The following SNW1 variants were observed in gnomAD, a reference collection of about 807,000 sequenced individuals.
The protein encoded by SNW1 is SNW domain-containing protein 1.
A neutral mutation model predicts 75.6 loss-of-function variants in SNW1; 9 were observed. The ratio of observed to expected loss-of-function variants is 0.12; its 90% CI spans 0.07 to 0.21. SNW1 has a LOEUF of 0.21. SNW1 is among the 10% of genes least tolerant of loss of function. The pLI, the probability that SNW1 is intolerant of heterozygous loss-of-function variation, is 1.00. For synonymous variants in SNW1, 200 were observed against 219.1 expected, an observed-to-expected ratio of 0.91 and a Z score of 0.77; for missense variants, 409 against 670.9, an observed-to-expected ratio of 0.61 and a Z score of 4.31.
At chr14:77,718,620 T>C (rs1262099192) in intron 12 of SNW1, 90 bp from the exon 13 acceptor site, 6 of 792,974 alleles carry the variant, frequency 7.6e-6, no homozygotes, top group Non-Finnish European at 1.2e-5. Flanking sequence ...CCCTTGCTAA[T>C]GTACAGCTCA....
intron 3 of SNW1, 37 bp from the exon 4 acceptor site, chr14:77,739,098 A>T: frequency 6.6e-7 from 1 of 1,504,364 alleles, no homozygotes; most frequent in Non-Finnish European, 9.2e-7. Flanking sequence ...TAAGAAAAGC[A>T]AACAACGAAA....
intron 10 of SNW1, among the ~76,000 whole-genome samples, chr14:77,724,825 C>T (rs920784235): frequency 6.6e-6 from 1 of 152,134 alleles, no homozygotes; most frequent in African/African-American, 2.4e-5. Flanking sequence ...GCAGATATCC[C>T]TTTTTGATTT....
rs528318481 is a variant in SNW1, at chr14:77,732,716, G to C, written c.775-115C>G. ...GTCTTGCTCTGTCACCCTGGCTGGA[G>C]GGCAGGGGTGCCATCTCGGCTCACT... On this transcript the variant is annotated intron_variant, in intron 8 of 13. Coordinates refer to ENST00000261531, the MANE Select transcript of SNW1 (RefSeq NM_012245.3). 8.2e-5 allele frequency: 54 copies of C among 657,060 alleles called. No individual in the cohort carries two copies. In the African/African-American group the frequency reaches 8.8e-4, roughly 11 times the overall value. 40.7% of individuals were successfully genotyped at this position (657,060 alleles called of 1,614,324 possible).
intron 3 of SNW1, among the ~76,000 whole-genome samples, chr14:77,742,245 A>G (rs893115705): frequency 6.6e-6 from 1 of 152,082 alleles, no homozygotes; most frequent in African/African-American, 2.4e-5. Context: ...CATGTTGGCC[A>G]GGCTGGTCTC....
At chr14:77,721,938 G>T (rs2080544500) in intron 11 of SNW1, among the ~76,000 whole-genome samples, 1 of 152,038 alleles carries the variant, frequency 6.6e-6, no homozygotes, top group African/African-American at 2.4e-5. Context: ...AGTAGAGATG[G>T]GGTTTCACCA....
At chr14:77,747,226 T>C (rs934597115) in intron 3 of SNW1, among the ~76,000 whole-genome samples, 8 of 152,154 alleles carry the variant, frequency 5.3e-5, no homozygotes, top group African/African-American at 1.7e-4. Context: ...GTGCTCAATG[T>C]TGCCCAGGCT....
At chr14:77,731,287 C>T (rs992122335) in intron 9 of SNW1, among the ~76,000 whole-genome samples, 158 bp from the exon 10 acceptor site, 4 of 152,220 alleles carry the variant, frequency 2.6e-5, no homozygotes, top group African/African-American at 7.2e-5. Context: ...TAAAAGATAT[C>T]CTGCCTGGAA....
intron 9 of SNW1, among the ~76,000 whole-genome samples, chr14:77,731,547 A>G (rs2080627054): frequency 6.6e-6 from 1 of 152,264 alleles, no homozygotes; most frequent in Non-Finnish European, 1.5e-5. Context: ...TCTCAAAAAA[A>G]TAACATTTTC....
intron 10 of SNW1, among the ~76,000 whole-genome samples, chr14:77,724,791 G>A (rs1296041208): frequency 1.3e-5 from 2 of 152,108 alleles, no homozygotes; most frequent in East Asian, 1.9e-4. Context: ...TAACTGTAAA[G>A]AGCACTGCAA....
intron 3 of SNW1, among the ~76,000 whole-genome samples, chr14:77,744,135 C>CAAAAAAAAAA (rs11335114): frequency 8.2e-6 from 1 of 121,746 alleles, no homozygotes; most frequent in African/African-American, 3.1e-5. Flanking sequence ...GACTCCATCT[C>CAAAAAAAAAA]AAAAAAAAAA....
chr14:77,742,403 G>A (rs1308575355), intron 3 of SNW1, among the ~76,000 whole-genome samples: 1 of 152,082 alleles, frequency 6.6e-6, no homozygotes, highest in East Asian at 1.9e-4. Context: ...GAGGCAAATG[G>A]GCTGGGGAGC....
intron 10 of SNW1, among the ~76,000 whole-genome samples, chr14:77,728,376 A>G (rs1283064162): frequency 6.6e-6 from 1 of 152,174 alleles, no homozygotes; most frequent in East Asian, 1.9e-4. Context: ...GCTTGAACCC[A>G]GGAGGCGGAG....
At chr14:77,732,019 A>G (rs2080631352) in intron 9 of SNW1, among the ~76,000 whole-genome samples, 2 of 152,196 alleles carry the variant, frequency 1.3e-5, no homozygotes, top group Non-Finnish European at 2.9e-5. Context: ...TATACACATG[A>G]GCCATTGTGC....
At chr14:77,728,679 C>T (rs552204758) in intron 10 of SNW1, among the ~76,000 whole-genome samples, 42 of 152,276 alleles carry the variant, frequency 2.8e-4, no homozygotes, top group Middle Eastern at 3.4e-3. Flanking sequence ...TTGGAGCAAG[C>T]CTGTCTGGAT....
chr14:77,726,868 A>G (rs1292440887), intron 10 of SNW1, among the ~76,000 whole-genome samples: 2 of 151,906 alleles, frequency 1.3e-5, no homozygotes, highest in Admixed American at 1.3e-4. Flanking sequence ...TATAAATGGG[A>G]CTGCCTTCTT....
chr14:77,760,773 G>A (rs1459484160), intron 1 of SNW1: 3 of 704,758 alleles, frequency 4.3e-6, no homozygotes, highest in African/African-American at 3.5e-5. Context: ...AGCCACTACC[G>A]TCACCAACCC....
intron 1 of SNW1, among the ~76,000 whole-genome samples, chr14:77,758,181 T>G (rs935640211): frequency 6.6e-6 from 1 of 151,846 alleles, no homozygotes; most frequent in Non-Finnish European, 1.5e-5. Context: ...AACACAAAAA[T>G]TAGCCGGGCG....
At chr14:77,721,126 T>C in intron 11 of SNW1, 2 of 288,422 alleles carry the variant, frequency 6.9e-6, no homozygotes, top group South Asian at 4.9e-5. Flanking sequence ...AGATATAAAA[T>C]TGCTATGGTC....
rs377625040 is a variant in SNW1, at chr14:77,735,964, C to T, written c.681G>A (p.Ala227=). 28 of 1,613,680 alleles carry T rather than the reference C, an allele frequency of 1.7e-5. No homozygotes were observed. Among genetic ancestry groups the T allele is most frequent in the Middle Eastern group, 1.6e-4 (1 of 6,074 alleles). The change falls in exon 7 of 14, where the codon GCG becomes GCA. Residue 227 remains alanine (A), a synonymous_variant. Transcript: ENST00000261531. ...TTCGGCTAGGAGAATGCATGACAGG[C>T]GCAGGAGGAGAAGGTGGTCCCCGGG... ...KIPRGPPSPP[A]PVMHSPSRKM... is the part of the protein sequence containing the mutation.
Sources: gnomAD v4.1 joint callset for allele counts (sites outside exome capture counted in the v4.1 genomes callset) on GRCh38, gnomAD v4.1.1 for gene constraint, MANE v1.5 for transcripts, NCBI Gene and HGNC (gene_info 2026-07-23, HGNC 2026-07-21) for gene names.